The following FLRT1 variants were observed in gnomAD, a reference collection of about 807,000 sequenced individuals.
FLRT1 encodes leucine-rich repeat transmembrane protein FLRT1.
FLRT1 carries 14 observed loss-of-function variants against 30.9 expected under a neutral mutation model. The ratio of observed to expected loss-of-function variants is 0.45; its 90% CI spans 0.30 to 0.71. The LOEUF is 0.71. Among genes scored for constraint, FLRT1 ranks in the 30% least tolerant of loss-of-function variants. FLRT1 has a pLI of 0.08. For missense variants in FLRT1, 737 were observed against 949.2 expected (o/e 0.78, Z 2.94); for synonymous variants, 368 against 430.4 (o/e 0.85, Z 1.80).
rs541652139 is a variant in FLRT1, at chr11:64,067,508, C to T, written c.-1038+31349C>T. On this transcript the variant is annotated intron_variant, in intron 1 of 2. Coordinates refer to ENST00000682287, the MANE Select transcript of FLRT1 (RefSeq NM_013280.5). This position sits in a 1 kb window ranked among gnomAD's most constrained non-coding sequence, Gnocchi z 4.6. ...GAGATAGGTCGGGGACGGGGACAGA[C>T]GGCACCTCCCCAACTCCCCAGCCCC... 7.6e-4 allele frequency among the ~76,000 whole-genome samples: 116 copies of T among 152,164 alleles called. No homozygotes were observed. The highest frequency in any genetic ancestry group is 1.3e-3 in the Non-Finnish European group (88 of 67,962).
At chr11:64,050,290 C>T (rs1017212789) in intron 1 of FLRT1, among the ~76,000 whole-genome samples, 2 of 152,128 alleles carry the variant, frequency 1.3e-5, no homozygotes, top group African/African-American at 4.8e-5. Flanking sequence ...CCCCAGGACT[C>T]ACAGCTACCA....
At chr11:64,054,591 G>A (rs531591668) in intron 1 of FLRT1, among the ~76,000 whole-genome samples, 1 of 152,264 alleles carries the variant, frequency 6.6e-6, no homozygotes, top group South Asian at 2.1e-4. Flanking sequence ...CCATCTACCA[G>A]GGCAAGCCAC....
At position 64,056,843 on chromosome 11, in the gene FLRT1, C is replaced by G. The variant is rs572760939; in HGVS notation, c.-1038+20684C>G. Among the ~76,000 whole-genome samples, 4 of 152,108 alleles carry G rather than the reference C, an allele frequency of 2.6e-5. No homozygotes were observed. In the South Asian group the frequency reaches 8.3e-4, roughly 32 times the overall value. ...GTCCCACCCCCTGGGATGACCTCCACTCTGCCTTCTAAACTCATCTACACT... is the reference window on the plus strand; with the variant it reads ...GTCCCACCCCCTGGGATGACCTCCAGTCTGCCTTCTAAACTCATCTACACT... On this transcript the variant is annotated intron_variant, in intron 1 of 2. Coordinates refer to ENST00000682287, the MANE Select transcript of FLRT1 (RefSeq NM_013280.5).
In FLRT1 at chr11:64,052,004, G is replaced by C. The variant is rs114758405; in HGVS notation, c.-1038+15845G>C. The stretch of plus-strand genomic sequence containing the variant: ...CTTGGATGAGAGGGGGTCCAGGCGA[G>C]AGCTGGGGGCTTGCTAATGAACTTG... On this transcript the variant is annotated intron_variant, in intron 1 of 2. Coordinates refer to ENST00000682287, the MANE Select transcript of FLRT1 (RefSeq NM_013280.5). Among the ~76,000 whole-genome samples the C allele has an allele frequency of 4.3e-3, 657 of 151,854 alleles. 8 individuals are homozygous for C. The highest frequency in any genetic ancestry group is 0.015 in the African/African-American group (600 of 41,362).
chr11:64,046,504 C>T (rs1014186348), intron 1 of FLRT1, among the ~76,000 whole-genome samples: 11 of 152,172 alleles, frequency 7.2e-5, no homozygotes, highest in Non-Finnish European at 1.2e-4. Flanking sequence ...TGGGACCCTG[C>T]GCTGTGCTCC....
At position 64,096,966 on chromosome 11, in the gene FLRT1, C is replaced by T. The variant is rs1278825583; in HGVS notation, c.-1037-6228C>T. On this transcript the variant is annotated intron_variant, in intron 1 of 2. Transcript: ENST00000682287. The surrounding 1 kb of genome is among the most constrained non-coding windows in gnomAD (Gnocchi z 4.6). The stretch of plus-strand genomic sequence containing the variant: ...CACCCACTCTCTCAGCGTCTGGGCC[C>T]GGGAGTTCCTGCCTACCCTTGCTGG... Among the ~76,000 whole-genome samples the T allele has an allele frequency of 1.3e-5, 2 of 152,240 alleles. No homozygotes were observed. The highest frequency in any genetic ancestry group is 2.1e-4 in the South Asian group (1 of 4,828).
intron 1 of FLRT1, among the ~76,000 whole-genome samples, chr11:64,077,036 G>A (rs1348435536): frequency 6.6e-6 from 1 of 152,136 alleles, no homozygotes; most frequent in East Asian, 1.9e-4. Flanking sequence ...GTAGATGGGA[G>A]GGAGGGAGAT....
chr11:64,039,716 A>G (rs1267388191), intron 1 of FLRT1, among the ~76,000 whole-genome samples: 2 of 152,174 alleles, frequency 1.3e-5, no homozygotes, highest in Admixed American at 1.3e-4. Context: ...CCTGTTTACC[A>G]TCGCTCGAGG....
At chr11:64,113,358 C>T (rs1299344955) in intron 2 of FLRT1, among the ~76,000 whole-genome samples, 1 of 152,060 alleles carries the variant, frequency 6.6e-6, no homozygotes, top group Admixed American at 6.6e-5. Context: ...CTGTTGGATG[C>T]ATGATGGATG....
At chr11:64,087,991 C>G (rs895684900) in intron 1 of FLRT1, among the ~76,000 whole-genome samples, 2 of 152,108 alleles carry the variant, frequency 1.3e-5, no homozygotes, top group South Asian at 2.1e-4. Flanking sequence ...GGGAGGGCCT[C>G]GAGAGGGGCT....
chr11:64,039,579 G>A (rs1314156667), intron 1 of FLRT1, among the ~76,000 whole-genome samples: 2 of 152,154 alleles, frequency 1.3e-5, no homozygotes, highest in African/African-American at 2.4e-5. Flanking sequence ...GGGAGGAGAC[G>A]GGAAAAGGAC....
At chr11:64,050,869 T>G (rs1943680358) in intron 1 of FLRT1, among the ~76,000 whole-genome samples, 1 of 152,238 alleles carries the variant, frequency 6.6e-6, no homozygotes, top group South Asian at 2.1e-4. Flanking sequence ...TCCGCCTGCC[T>G]TGGCTTTCCA....
intron 2 of FLRT1, among the ~76,000 whole-genome samples, chr11:64,108,967 G>C (rs941189128): frequency 2.0e-5 from 3 of 152,170 alleles, no homozygotes; most frequent in Non-Finnish European, 4.4e-5. Context: ...GGAGGCTGAG[G>C]GGCAAGTGGG....
intron 1 of FLRT1, among the ~76,000 whole-genome samples, chr11:64,074,196 CAGAG>C (rs890151589): frequency 1.3e-5 from 2 of 152,238 alleles, no homozygotes; most frequent in Admixed American, 1.3e-4. Context: ...GAAACCGAGG[CAGAG>C]AGAAAGGAGG....
chr11:64,106,487 A>AG (rs1944765449), intron 2 of FLRT1, among the ~76,000 whole-genome samples: 1 of 152,198 alleles, frequency 6.6e-6, no homozygotes, highest in Non-Finnish European at 1.5e-5. Flanking sequence ...TTACATTCTA[A>AG]GGGGAGGAGA....
chr11:64,039,187 A>G (rs1341756448), intron 1 of FLRT1, among the ~76,000 whole-genome samples: 3 of 152,004 alleles, frequency 2.0e-5, no homozygotes, highest in Non-Finnish European at 4.4e-5. Flanking sequence ...GAGGCCCCTT[A>G]TAGGATGGGG....
intron 1 of FLRT1, among the ~76,000 whole-genome samples, chr11:64,053,164 CTGGGGCTGGGCTTGGG>C (rs1381728642): frequency 6.6e-6 from 1 of 152,158 alleles, no homozygotes; most frequent in African/African-American, 2.4e-5. Flanking sequence ...AGACGGAGAG[CTGGGGCTGGGCTTGGG>C]GCCCTGGGGT....
At chr11:64,112,796 G>T (rs1344415559) in intron 2 of FLRT1, among the ~76,000 whole-genome samples, 1 of 152,204 alleles carries the variant, frequency 6.6e-6, no homozygotes, top group Non-Finnish European at 1.5e-5. Flanking sequence ...GCCAACAGGG[G>T]TGCCACATAG....
At chr11:64,039,185 T>C (rs1943438186) in intron 1 of FLRT1, among the ~76,000 whole-genome samples, 2 of 152,016 alleles carry the variant, frequency 1.3e-5, no homozygotes, top group Admixed American at 1.3e-4. Context: ...CTGAGGCCCC[T>C]TATAGGATGG....
Sources: allele counts gnomAD v4.1 joint callset (sites outside exome capture counted in the v4.1 genomes callset), GRCh38; gene constraint gnomAD v4.1.1; non-coding constraint Gnocchi (gnomAD v3.1); transcripts MANE v1.5; gene names NCBI Gene and HGNC (gene_info 2026-07-23, HGNC 2026-07-21).